The following SEMA6D variants were observed in gnomAD, a reference collection of about 807,000 sequenced individuals.
The protein encoded by SEMA6D is semaphorin-6D.
A neutral mutation model predicts 106.6 loss-of-function variants in SEMA6D; 35 were observed. The observed-to-expected ratio is 0.33, with a 90% CI of 0.25 to 0.44. SEMA6D has a LOEUF of 0.44. Among genes scored for constraint, SEMA6D ranks in the 20% least tolerant of loss-of-function variants. SEMA6D has a pLI of 1.00. For synonymous variants in SEMA6D, 499 were observed against 487.7 expected (o/e 1.02, Z -0.31); for missense variants, 1,185 against 1,345.9 (o/e 0.88, Z 1.87).
chr15:47,237,475 G>T (rs975194184), intron 1 of SEMA6D, among the ~76,000 whole-genome samples: 10 of 152,106 alleles, frequency 6.6e-5, no homozygotes, highest in Admixed American at 1.3e-4. Flanking sequence ...ATGTAGAGAG[G>T]CAAGAAGTAG....
chr15:47,591,133 C>G (rs544042850), intron 3 of SEMA6D, among the ~76,000 whole-genome samples: 8 of 152,168 alleles, frequency 5.3e-5, no homozygotes, highest in South Asian at 2.1e-4. Context: ...CTCCCTGCTT[C>G]ATAAATGGCA....
In SEMA6D at chr15:47,745,285, C is replaced by T. The variant is rs78056735; in HGVS notation, c.-54-14460C>T. Among the ~76,000 whole-genome samples the T allele has an allele frequency of 4.5e-4, 69 of 152,336 alleles. 1 individual carries two copies. The East Asian group carries it at 0.013, about 28-fold the overall frequency. ...TCTCTGGTTCAAGAACTCCTTCCGT[C>T]CTCAGCAACTCTATGAGGTAGCTGC... On this transcript the variant is annotated intron_variant, in intron 1 of 18. Coordinates refer to ENST00000536845, the MANE Select transcript of SEMA6D (RefSeq NM_001358351.3).
intron 3 of SEMA6D, among the ~76,000 whole-genome samples, chr15:47,521,613 A>G (rs141903926): frequency 2.0e-5 from 3 of 152,284 alleles, no homozygotes; most frequent in African/African-American, 4.8e-5. Flanking sequence ...TGCGATTACA[A>G]TCTCCTTAGA....
chr15:47,465,918 C>T (rs971324852), intron 2 of SEMA6D, among the ~76,000 whole-genome samples: 5 of 152,000 alleles, frequency 3.3e-5, no homozygotes, highest in African/African-American at 9.7e-5. Flanking sequence ...TGGTTTCCTC[C>T]AGGGAACTTG....
At position 47,760,979 on chromosome 15, in the gene SEMA6D, G is replaced by A. The variant is rs1271327288; in HGVS notation, c.223G>A (p.Asp75Asn). The A allele has an allele frequency of 1.2e-6, 2 of 1,612,188 alleles. No homozygotes were observed. The highest frequency in any genetic ancestry group is 1.1e-5 in the South Asian group (1 of 90,754). The change falls in exon 4 of 19, where the codon GAT becomes AAT. Residue 75 changes from aspartate (D) to asparagine (N), a missense_variant and splice_region_variant. Physicochemically the swap from Asp to Asn is conservative, Grantham distance 23. This residue lies in a region of SEMA6D where 144 missense variants were observed against 138.6 expected (regional missense o/e 1.04). Transcript: ENST00000536845. The stretch of plus-strand genomic sequence containing the variant: ...GTTTTATTGCCTTATTTCCAACAGG[G>A]ATCAAGTTTATACAGTAAACTTAAA... ...IRDTLYIAGR[D>N]QVYTVNLNEM...
intron 3 of SEMA6D, among the ~76,000 whole-genome samples, chr15:47,574,824 TCTC>T (rs1259410389): frequency 6.6e-6 from 1 of 152,230 alleles, no homozygotes; most frequent in Non-Finnish European, 1.5e-5. Context: ...GTCTCTGCTA[TCTC>T]CTCATTTCCC....
intron 1 of SEMA6D, among the ~76,000 whole-genome samples, chr15:47,353,049 C>T (rs55724364): frequency 0.1 from 14,892 of 144,458 alleles, 928 homozygotes; most frequent in Admixed American, 0.15. Context: ...TTTTCATTTT[C>T]AAATGGTAGT....
intron 1 of SEMA6D, among the ~76,000 whole-genome samples, chr15:47,720,664 G>A (rs1477086492): frequency 1.3e-5 from 2 of 152,156 alleles, no homozygotes; most frequent in African/African-American, 2.4e-5. Flanking sequence ...AAGTAAACAG[G>A]AATCAGAGCC....
chr15:47,456,223 T>C, intron 2 of SEMA6D, among the ~76,000 whole-genome samples: 1 of 151,978 alleles, frequency 6.6e-6, no homozygotes, highest in East Asian at 1.9e-4. Context: ...TGGCTTTCTC[T>C]ACACAATACT....
chr15:47,338,473 C>G (rs1019129703), intron 1 of SEMA6D, among the ~76,000 whole-genome samples: 1 of 152,022 alleles, frequency 6.6e-6, no homozygotes, highest in Non-Finnish European at 1.5e-5. Flanking sequence ...ATCAAAACAT[C>G]TCATGTACCT....
intron 4 of SEMA6D, among the ~76,000 whole-genome samples, chr15:47,631,615 GA>G (rs139705630): frequency 0.03 from 4,504 of 151,750 alleles, 223 homozygotes; most frequent in African/African-American, 0.1. Flanking sequence ...GCCAAATAAG[GA>G]AAAAAAGGCA....
intron 1 of SEMA6D, among the ~76,000 whole-genome samples, chr15:47,220,638 G>T (rs545568903): frequency 6.6e-6 from 1 of 152,118 alleles, no homozygotes; most frequent in South Asian, 2.1e-4. Context: ...TACCAAGGTC[G>T]TATAGACATT....
intron 4 of SEMA6D, among the ~76,000 whole-genome samples, chr15:47,604,985 C>T (rs527395521): frequency 1.4e-4 from 21 of 152,138 alleles, no homozygotes; most frequent in Non-Finnish European, 2.1e-4. Flanking sequence ...GGATTACAGG[C>T]GTGAGCCACT....
intron 1 of SEMA6D, among the ~76,000 whole-genome samples, chr15:47,348,706 C>T (rs1567016477): frequency 1.7e-4 from 10 of 59,664 alleles, no homozygotes; most frequent in African/African-American, 5.4e-4. Context: ...CACACACACA[C>T]ACACACACAC....
intron 1 of SEMA6D, chr15:47,399,436 C>T (rs1420643432): frequency 2.6e-5 from 4 of 152,206 alleles, no homozygotes; most frequent in South Asian, 4.1e-4. Flanking sequence ...GTACATCCAC[C>T]GTCTGAACCC....
At chr15:47,287,428 C>G (rs2035415436) in intron 1 of SEMA6D, among the ~76,000 whole-genome samples, 2 of 152,152 alleles carry the variant, frequency 1.3e-5, no homozygotes, top group Non-Finnish European at 2.9e-5. Flanking sequence ...TGTCAGAGTC[C>G]TAGCTCATTT....
At chr15:47,636,679 A>G (rs2077394552) in intron 4 of SEMA6D, among the ~76,000 whole-genome samples, 1 of 152,154 alleles carries the variant, frequency 6.6e-6, no homozygotes, top group South Asian at 2.1e-4. Flanking sequence ...CCTTTACCCC[A>G]GGGCAGCTAT....
At chr15:47,213,695 G>A (rs905207097) in intron 1 of SEMA6D, among the ~76,000 whole-genome samples, 3 of 152,076 alleles carry the variant, frequency 2.0e-5, no homozygotes, top group East Asian at 1.9e-4. Context: ...AAGACATTTT[G>A]TGGTGTGCCT....
At chr15:47,769,076 A>G (rs1245574032) in intron 18 of SEMA6D, among the ~76,000 whole-genome samples, 1 of 152,180 alleles carries the variant, frequency 6.6e-6, no homozygotes, top group African/African-American at 2.4e-5. Context: ...CAAAAAACAA[A>G]ACTCATTAAT....
Sources: allele counts gnomAD v4.1 joint callset (sites outside exome capture counted in the v4.1 genomes callset), GRCh38; gene constraint gnomAD v4.1.1; regional missense constraint gnomAD v4.1.1; transcripts MANE v1.5; gene names NCBI Gene and HGNC (gene_info 2026-07-23, HGNC 2026-07-21).